F11R: variants seen among roughly 807,000 people sequenced by gnomAD.
F11R encodes junctional adhesion molecule A.
F11R carries 27 observed loss-of-function variants against 39.3 expected under a neutral mutation model. The observed-to-expected ratio is 0.69, with a 90% confidence interval of 0.51 to 0.95. F11R has a LOEUF of 0.95. Among genes scored for constraint, F11R ranks in the 40% least tolerant of loss-of-function variants. The pLI, the probability that F11R is intolerant of heterozygous loss-of-function variation, is 0.00. For missense variants in F11R, 335 were observed against 372.7 expected, an observed-to-expected ratio of 0.90 and a Z score of 0.83; for synonymous variants, 131 against 144.9, an observed-to-expected ratio of 0.90 and a Z score of 0.69.
In F11R at chr1:161,001,112, C is replaced by T. The variant is rs201500963; in HGVS notation, c.149G>A (p.Cys50Tyr). The T allele has an allele frequency of 4.2e-5, 68 of 1,614,060 alleles. No individual in the cohort carries two copies. Among genetic ancestry groups the T allele is most frequent in the Non-Finnish European group, 5.6e-5 (66 of 1,179,996 alleles). ...GGGAGAAGAAAAGCCCGAGTAGGCA[C>T]AGGACAACTTCACAGCTGCAGACAG... ...IPENNPVKLS[C>Y]AYSGFSSPRV... The change falls in exon 3 of 10, where the codon TGT becomes TAT. Residue 50 changes from cysteine to tyrosine, a missense_variant. By Grantham distance (194) the Cys-to-Tyr change is radical. Transcript: ENST00000368026.
chr1:161,001,260 C>T (rs752462805), intron 2 of F11R, 25 bp downstream of exon 2: 1 of 1,613,114 alleles, frequency 6.2e-7, no homozygotes, highest in Admixed American at 1.7e-5. Flanking sequence ...CACCCTCACA[C>T]CCTCCATGGC....
Position 161,000,726 on chromosome 1 carries a change from G to C in F11R, c.293C>G (p.Ser98Cys). The C allele has an allele frequency of 6.2e-7, 1 of 1,614,174 alleles. No homozygotes were observed. The highest frequency in any genetic ancestry group is 2.2e-5 in the East Asian group (1 of 44,880). ...TFLPTGITFK[S>C]VTREDTGTYT... ...TGTCCCAGTGTCTTCCCGTGTCACG[G>C]ACTTGAAGGTGATACCAGTTGGCAA... Residue 98 changes from serine (S) to cysteine (C), a missense_variant, in exon 4 of 10, where the codon TCC (serine) becomes TGC (cysteine). Physicochemically the swap from Ser to Cys is moderately radical, Grantham distance 112 (BLOSUM62 -1). Transcript: ENST00000368026.
chr1:161,015,163 G>A (rs1183996237), intron 1 of F11R, among the ~76,000 whole-genome samples: 7 of 151,582 alleles, frequency 4.6e-5, no homozygotes, highest in East Asian at 3.9e-4. Flanking sequence ...TTGGGAGGCC[G>A]AGGCAGGCAG....
At chr1:161,005,944 G>T in intron 1 of F11R, among the ~76,000 whole-genome samples, 1 of 151,978 alleles carries the variant, frequency 6.6e-6, no homozygotes, top group Non-Finnish European at 1.5e-5. Flanking sequence ...TTTGAAACCA[G>T]CCTGGCCAAT....
intron 1 of F11R, among the ~76,000 whole-genome samples, chr1:161,006,831 T>C (rs1648843837): frequency 6.6e-6 from 1 of 152,194 alleles, no homozygotes; most frequent in Non-Finnish European, 1.5e-5. Context: ...CCCCTTCTCA[T>C]TCTTGAACAG....
chr1:161,001,925 G>A (rs1648517670), intron 1 of F11R, among the ~76,000 whole-genome samples: 2 of 152,112 alleles, frequency 1.3e-5, no homozygotes, highest in South Asian at 4.1e-4. Flanking sequence ...TTATTATCCC[G>A]AGTTTACATG....
chr1:161,010,698 T>A (rs1649101868), intron 1 of F11R, among the ~76,000 whole-genome samples: 1 of 151,958 alleles, frequency 6.6e-6, no homozygotes, highest in Non-Finnish European at 1.5e-5. Context: ...TAAGTTTAAA[T>A]ATTTTGGCTG....
At position 161,021,017 on chromosome 1, in the gene F11R, G is replaced by C; in HGVS notation, c.57C>G (p.Ile19Met). 6.2e-7 allele frequency: 1 copy of C among 1,614,118 alleles called. No individual in the cohort carries two copies. The highest frequency in any genetic ancestry group is 2.2e-5 in the East Asian group (1 of 44,882). Residue 19 changes from isoleucine (I) to methionine (M), a missense_variant, in exon 1 of 10, where the codon ATC (isoleucine) becomes ATG (methionine). By Grantham distance (10) the Ile-to-Met change is conservative. Coordinates refer to ENST00000368026, the MANE Select transcript of F11R (RefSeq NM_016946.6). The part of the protein sequence containing the change: ...RKLLCLFILA[I>M]LLCSLALGSV... ...GAAACTCTGGGAACTTACACAACAG[G>C]ATCGCCAATATGAAGAGGCACAACA...
chr1:161,021,143 C>G lies in F11R; in HGVS notation c.-70G>C. The stretch of plus-strand genomic sequence containing the variant: ...AACAGACACAGCTCCGCGACTACAG[C>G]GAGGGGACTGAGAGCCAGCCGCCAG... On this transcript the variant is annotated 5_prime_UTR_variant, in exon 1 of 10. Coordinates refer to ENST00000368026, the MANE Select transcript of F11R (RefSeq NM_016946.6). 4 of 1,450,768 alleles carry G rather than the reference C, an allele frequency of 2.8e-6. No individual in the cohort carries two copies. The South Asian group carries it at 4.6e-5, about 17-fold the overall frequency. The allele number at this position is 1,450,768 out of a possible 1,614,324, so 89.9% of individuals were successfully genotyped here. A position where few individuals can be genotyped will look rare whatever the true frequency, so the allele number is the denominator to read the frequency against.
intron 1 of F11R, among the ~76,000 whole-genome samples, chr1:161,006,738 T>C (rs1474303977): frequency 6.6e-6 from 1 of 152,186 alleles, no homozygotes; most frequent in Non-Finnish European, 1.5e-5. Context: ...TGTGATTGCC[T>C]ATCACATCAT....
chr1:161,000,890 G>A (rs531565186), intron 3 of F11R, 113 bp from the exon 4 acceptor site: 6 of 1,489,188 alleles, frequency 4.0e-6, no homozygotes, highest in South Asian at 1.2e-5. Flanking sequence ...AGAAAGGGGG[G>A]TAGGAAGGCC....
chr1:160,998,993 C>T, intron 9 of F11R, 50 bp downstream of exon 9: 4 of 1,613,278 alleles, frequency 2.5e-6, no homozygotes, highest in Non-Finnish European at 1.7e-6. Flanking sequence ...TAGAAATCTC[C>T]TCACTCCAGC....
At position 160,996,971 on chromosome 1, in the gene F11R, T is replaced by G. The variant is rs1287488838; in HGVS notation, c.*1900A>C. Reference sequence around the variant, plus strand: ...TAGAAAACTCAATTCTGTTAGGGATTTCCAAATAGGATAGGGCAAAGTCGC... The same window carrying G: ...TAGAAAACTCAATTCTGTTAGGGATGTCCAAATAGGATAGGGCAAAGTCGC... On this transcript the variant is annotated 3_prime_UTR_variant, in exon 10 of 10. Coordinates refer to ENST00000368026, the MANE Select transcript of F11R (RefSeq NM_016946.6). The G allele has an allele frequency of 6.6e-6, 1 of 152,316 alleles. No homozygotes were observed. Among genetic ancestry groups the G allele is most frequent in the Non-Finnish European group, 1.5e-5 (1 of 68,024 alleles). 9.4% of individuals were successfully genotyped at this position (152,316 alleles called of 1,614,324 possible).
At position 160,998,454 on chromosome 1, in the gene F11R, G is replaced by T; in HGVS notation, c.*417C>A. The T allele has an allele frequency of 3.8e-6, 1 of 260,902 alleles. No individual in the cohort carries two copies. The highest frequency in any genetic ancestry group is 7.4e-6 in the Non-Finnish European group (1 of 135,930). The allele number at this position is 260,902 out of a possible 1,614,324, so 16.2% of individuals were successfully genotyped here. On this transcript the variant is annotated 3_prime_UTR_variant, in exon 10 of 10. Transcript: ENST00000368026. Reference sequence around the variant, plus strand: ...TTCCCGCTCTAGAACAGCTGGCCCTGGTCGTCAGTACACAAGGAAAGAGCC... The same window carrying T: ...TTCCCGCTCTAGAACAGCTGGCCCTTGTCGTCAGTACACAAGGAAAGAGCC...
intron 1 of F11R, among the ~76,000 whole-genome samples, chr1:161,004,105 C>A (rs1571011229): frequency 6.6e-6 from 1 of 152,194 alleles, no homozygotes; most frequent in East Asian, 1.9e-4. Context: ...CCATGTTGTC[C>A]AGGCTGGAAT....
rs201421335 is a variant in F11R at position 160,998,863 on chromosome 1, G to A, written c.*8C>T. Reference sequence around the variant, plus strand: ...AAATGCAGATGATAGGCGGTGAGCCGACCAGGCTCACACCAGGAATGACGA... The same window carrying A: ...AAATGCAGATGATAGGCGGTGAGCCAACCAGGCTCACACCAGGAATGACGA... On this transcript the variant is annotated 3_prime_UTR_variant, in exon 10 of 10. Coordinates refer to ENST00000368026, the MANE Select transcript of F11R (RefSeq NM_016946.6). The A allele has an allele frequency of 1.5e-5, 25 of 1,613,680 alleles. No homozygotes were observed. Among genetic ancestry groups the A allele is most frequent in the South Asian group, 3.3e-5 (3 of 91,068 alleles).
At chr1:161,000,122 C>T in intron 5 of F11R, 24 bp downstream of exon 5, 5 of 1,613,712 alleles carry the variant, frequency 3.1e-6, no homozygotes, top group Non-Finnish European at 4.2e-6. Flanking sequence ...CCCCACACAT[C>T]TTTCACCACC....
At chr1:161,001,234 G>A in intron 2 of F11R, 51 bp downstream of exon 2, 2 of 1,604,450 alleles carry the variant, frequency 1.2e-6, no homozygotes, top group South Asian at 2.2e-5. Flanking sequence ...AGATCCCCAG[G>A]CGGCCGGCAA....
intron 1 of F11R, among the ~76,000 whole-genome samples, chr1:161,011,020 G>A (rs573909335): frequency 4.1e-5 from 6 of 146,672 alleles, no homozygotes; most frequent in East Asian, 2.0e-4. Flanking sequence ...ACAATTTAAC[G>A]TTATTTAGGT....
Sources: allele counts gnomAD v4.1 joint callset (sites outside exome capture counted in the v4.1 genomes callset), GRCh38; gene constraint gnomAD v4.1.1; transcripts MANE v1.5; gene names NCBI Gene and HGNC (gene_info 2026-07-23, HGNC 2026-07-21).